The following ZBTB16 variants were observed in gnomAD, a reference collection of about 807,000 sequenced individuals.
The protein encoded by ZBTB16 is zinc finger and BTB domain containing 16, also known as zinc finger and BTB domain-containing protein 16.
ZBTB16 carries 8 observed loss-of-function variants against 56.8 expected under a neutral mutation model. The ratio of observed to expected loss-of-function variants is 0.14; its 90% confidence interval spans 0.08 to 0.25. ZBTB16 has a LOEUF of 0.25. ZBTB16 is among the 10% of genes least tolerant of loss of function. The pLI, the probability that ZBTB16 is intolerant of heterozygous loss-of-function variation, is 1.00. For missense variants in ZBTB16, 625 were observed against 903.0 expected, an observed-to-expected ratio of 0.69 and a Z score of 3.95; for synonymous variants, 363 against 368.5, an observed-to-expected ratio of 0.98 and a Z score of 0.17.
intron 4 of ZBTB16, among the ~76,000 whole-genome samples, chr11:114,233,091 A>G (rs1246016165): frequency 0.029 from 814 of 28,274 alleles, 25 homozygotes; most frequent in Admixed American, 0.059. Context: ...GCACACACAC[A>G]CACACACACA....
chr11:114,105,868 G>A (rs184343979), intron 2 of ZBTB16, among the ~76,000 whole-genome samples: 82 of 152,244 alleles, frequency 5.4e-4, no homozygotes, highest in Admixed American at 2.0e-3. Context: ...TAATACAGAG[G>A]GATTGGGGTA....
At chr11:114,111,422 T>C (rs746129141) in intron 2 of ZBTB16, among the ~76,000 whole-genome samples, 17 of 152,186 alleles carry the variant, frequency 1.1e-4, no homozygotes, top group Non-Finnish European at 1.9e-4. Context: ...CTTTCACATT[T>C]AAACCAATAG....
At chr11:114,062,037 G>A (rs916047437) in intron 1 of ZBTB16, among the ~76,000 whole-genome samples, 6 of 152,042 alleles carry the variant, frequency 3.9e-5, no homozygotes, top group Non-Finnish European at 8.8e-5. Context: ...CCTGTCCACC[G>A]GGCAGTTGTG....
intron 2 of ZBTB16, among the ~76,000 whole-genome samples, chr11:114,117,040 T>C (rs1242888478): frequency 6.6e-6 from 1 of 152,182 alleles, no homozygotes; most frequent in Non-Finnish European, 1.5e-5. Context: ...GATAAGGCTT[T>C]GCTGAGAAGG....
At position 114,253,537 on chromosome 11, in the gene ZBTB16, T is replaced by C. The variant is rs1944952028; in HGVS notation, c.*2982T>C. On this transcript the variant is annotated 3_prime_UTR_variant, in exon 7 of 7. Transcript: ENST00000335953. The stretch of plus-strand genomic sequence containing the variant: ...TTGTCGTAATCTGGTGTTGCAGCAA[T>C]GGATGGTACTAAATCAGCACCTGGA... Among the ~76,000 whole-genome samples, 1 of 152,190 alleles carries C rather than the reference T, an allele frequency of 6.6e-6. No homozygotes were observed. Among genetic ancestry groups the C allele is most frequent in the South Asian group, 2.1e-4 (1 of 4,830 alleles).
chr11:114,184,410 A>G (rs1388274469), intron 3 of ZBTB16, among the ~76,000 whole-genome samples: 3 of 152,194 alleles, frequency 2.0e-5, no homozygotes, highest in South Asian at 2.1e-4. Context: ...CATTTTTCCA[A>G]CCCCAAAGCC....
chr11:114,073,768 G>C (rs188657630), intron 2 of ZBTB16, among the ~76,000 whole-genome samples: 170 of 152,276 alleles, frequency 1.1e-3, no homozygotes, highest in African/African-American at 3.8e-3. Context: ...TTTGATGAAG[G>C]GGGGACATTC....
intron 4 of ZBTB16, chr11:114,209,931 C>A (rs1943961251): frequency 1.0e-6 from 1 of 985,392 alleles, no homozygotes; most frequent in East Asian, 1.1e-4. Flanking sequence ...AATGCAGCCA[C>A]AGGAACAAAG....
chr11:114,076,094 G>A (rs1483923433), intron 2 of ZBTB16, among the ~76,000 whole-genome samples: 1 of 152,136 alleles, frequency 6.6e-6, no homozygotes, highest in East Asian at 1.9e-4. Context: ...ACAAAGGAGT[G>A]AACTGCACTT....
At chr11:114,095,685 G>A (rs1177257980) in intron 2 of ZBTB16, among the ~76,000 whole-genome samples, 1 of 152,194 alleles carries the variant, frequency 6.6e-6, no homozygotes, top group Non-Finnish European at 1.5e-5. Context: ...CACCAAGGCA[G>A]GGTCTTTTTA....
rs757743816 is a variant in ZBTB16 at position 114,252,223 on chromosome 11, C to A, written c.*1668C>A. On this transcript the variant is annotated 3_prime_UTR_variant, in exon 7 of 7. Coordinates refer to ENST00000335953, the MANE Select transcript of ZBTB16 (RefSeq NM_006006.6). ...AGTCACCTGTGGCCACCATCCGTTC[C>A]GCCTAAAACACTCTGGAGAGAATCC... 1.1e-4 allele frequency among the ~76,000 whole-genome samples: 17 copies of A among 152,134 alleles called. No homozygotes were observed. Among genetic ancestry groups the A allele is most frequent in the Non-Finnish European group, 2.5e-4 (17 of 68,032 alleles).
rs180772744 is a variant in ZBTB16 at position 114,205,147 on chromosome 11, T to C, written c.1453+18109T>C. On this transcript the variant is annotated intron_variant, in intron 4 of 6. Transcript: ENST00000335953. ...AATTTCGGCCGGGCGCGGTGGCTTA[T>C]GCCTGTAATCCCAGCACTTTGGGAG... Among the ~76,000 whole-genome samples, 795 of 152,164 alleles carry C rather than the reference T, an allele frequency of 5.2e-3. 7 individuals are homozygous for C. Among genetic ancestry groups the C allele is most frequent in the African/African-American group, 0.018 (728 of 41,508 alleles).
At chr11:114,158,846 G>T (rs962884117) in intron 3 of ZBTB16, among the ~76,000 whole-genome samples, 12 of 152,226 alleles carry the variant, frequency 7.9e-5, no homozygotes, top group Admixed American at 7.9e-4. Flanking sequence ...GTGCCAAGAA[G>T]TATTTGTTGA....
chr11:114,233,111 ACACACACACACACACTCT>A (rs1289115705), intron 4 of ZBTB16, among the ~76,000 whole-genome samples: 9 of 69,450 alleles, frequency 1.3e-4, no homozygotes, highest in East Asian at 7.9e-4. Flanking sequence ...ACACACACAC[ACACACACACACACACTCT>A]CTCTCTCTCA....
At chr11:114,208,273 A>T (rs1022604254) in intron 4 of ZBTB16, among the ~76,000 whole-genome samples, 2 of 152,182 alleles carry the variant, frequency 1.3e-5, no homozygotes, top group Admixed American at 6.5e-5. Context: ...TTATTGCATG[A>T]TTAATCAAAA....
At chr11:114,166,681 A>G (rs1362666918) in intron 3 of ZBTB16, among the ~76,000 whole-genome samples, 1 of 152,048 alleles carries the variant, frequency 6.6e-6, no homozygotes, top group African/African-American at 2.4e-5. Context: ...TTTCAACTTC[A>G]TTGTTTGTTA....
Position 114,147,229 on chromosome 11 carries a change from T to C in ZBTB16, c.1269-9108T>C, listed in dbSNP as rs910456096. On this transcript the variant is annotated intron_variant, in intron 2 of 6. Transcript: ENST00000335953. The stretch of plus-strand genomic sequence containing the variant: ...AATAAACCTCAGTTATTCTCAACAA[T>C]CTCTGAGTTTCCATGGCTGGTCCAT... Among the ~76,000 whole-genome samples the C allele has an allele frequency of 2.0e-5, 3 of 152,332 alleles. No homozygotes were observed. In the East Asian group the frequency reaches 5.8e-4, roughly 29 times the overall value.
intron 3 of ZBTB16, among the ~76,000 whole-genome samples, chr11:114,159,949 G>C: frequency 6.9e-6 from 1 of 145,574 alleles, no homozygotes; most frequent in Non-Finnish European, 1.5e-5. Context: ...GGGGGGAGGC[G>C]AGCATTTTTT....
intron 2 of ZBTB16, among the ~76,000 whole-genome samples, chr11:114,120,619 A>T: frequency 6.6e-6 from 1 of 151,754 alleles, no homozygotes; most frequent in East Asian, 1.9e-4. Flanking sequence ...CCTGCTCCAC[A>T]CTCACCACTG....
Sources: gnomAD v4.1 joint callset for allele counts (sites outside exome capture counted in the v4.1 genomes callset) on GRCh38, gnomAD v4.1.1 for gene constraint, MANE v1.5 for transcripts, NCBI Gene and HGNC (gene_info 2026-07-23, HGNC 2026-07-21) for gene names.